The following CDK14 variants were observed in gnomAD, a reference collection of about 807,000 sequenced individuals.
The protein encoded by CDK14 is cyclin-dependent kinase 14.
CDK14 carries 34 observed loss-of-function variants against 60.7 expected under a neutral mutation model. The observed-to-expected ratio is 0.56, with a 90% CI of 0.43 to 0.75. CDK14 has a LOEUF of 0.75. Among genes scored for constraint, CDK14 ranks in the 30% least tolerant of loss-of-function variants. The pLI is 0.00. For synonymous variants in CDK14, 197 were observed against 203.7 expected, an observed-to-expected ratio of 0.97 and a Z score of 0.28; for missense variants, 482 against 564.1, an observed-to-expected ratio of 0.85 and a Z score of 1.47.
At chr7:90,992,232 T>C (rs1382264205) in intron 10 of CDK14, among the ~76,000 whole-genome samples, 2 of 152,228 alleles carry the variant, frequency 1.3e-5, no homozygotes, top group Admixed American at 1.3e-4. Flanking sequence ...AAGAAACTTC[T>C]ATTAAAAGAC....
intron 14 of CDK14, among the ~76,000 whole-genome samples, chr7:91,187,750 G>A (rs71558810): frequency 1.3e-5 from 2 of 152,188 alleles, no homozygotes; most frequent in Non-Finnish European, 2.9e-5. Context: ...CAGGCTTGAG[G>A]AGGCGGTGAC....
chr7:90,882,106 T>C (rs2117287348), intron 6 of CDK14, among the ~76,000 whole-genome samples: 1 of 152,180 alleles, frequency 6.6e-6, no homozygotes, highest in South Asian at 2.1e-4. Context: ...TAAATGTAAG[T>C]GGGCTAAATG....
At chr7:90,706,946 C>G (rs1284790334) in intron 2 of CDK14, among the ~76,000 whole-genome samples, 1 of 152,054 alleles carries the variant, frequency 6.6e-6, no homozygotes, top group Non-Finnish European at 1.5e-5. Flanking sequence ...TTGTCTGAGG[C>G]CACATTCTTC....
chr7:90,603,521 TA>T (rs1161303662), intron 1 of CDK14, among the ~76,000 whole-genome samples: 1 of 152,188 alleles, frequency 6.6e-6, no homozygotes, highest in Non-Finnish European at 1.5e-5. Flanking sequence ...TCTAGGTTTG[TA>T]TAAGTACACT....
intron 3 of CDK14, among the ~76,000 whole-genome samples, chr7:90,735,849 G>T (rs892334560): frequency 6.6e-6 from 1 of 152,186 alleles, no homozygotes; most frequent in Admixed American, 6.5e-5. Flanking sequence ...TGTCTCCCTG[G>T]CATTCCAGGT....
intron 11 of CDK14, among the ~76,000 whole-genome samples, chr7:91,074,756 CTAA>C (rs1211448832): frequency 1.3e-5 from 2 of 150,000 alleles, no homozygotes. Flanking sequence ...ACTAGATAGA[CTAA>C]TGAAAAGAGA....
chr7:90,995,859 G>A (rs1215357162), intron 10 of CDK14, among the ~76,000 whole-genome samples: 1 of 152,168 alleles, frequency 6.6e-6, no homozygotes, highest in African/African-American at 2.4e-5. Flanking sequence ...CAGGGGATGG[G>A]ACATCCCTCT....
chr7:90,975,292 A>G (rs1795035548), intron 9 of CDK14, among the ~76,000 whole-genome samples: 1 of 152,118 alleles, frequency 6.6e-6, no homozygotes, highest in South Asian at 2.1e-4. Flanking sequence ...TTCCTTTGCC[A>G]TAGAGTATAT....
intron 6 of CDK14, among the ~76,000 whole-genome samples, chr7:90,864,349 C>T (rs1043471211): frequency 1.3e-5 from 2 of 152,110 alleles, no homozygotes; most frequent in Admixed American, 1.3e-4. Context: ...ATTCACACAT[C>T]AATGCAAACA....
At chr7:91,016,811 A>T (rs1010682117) in intron 10 of CDK14, among the ~76,000 whole-genome samples, 1 of 152,202 alleles carries the variant, frequency 6.6e-6, no homozygotes, top group Non-Finnish European at 1.5e-5. Context: ...TCATAAGCCA[A>T]ACTTTCAAAC....
At chr7:90,738,253 C>T (rs1165107542) in intron 3 of CDK14, among the ~76,000 whole-genome samples, 1 of 152,136 alleles carries the variant, frequency 6.6e-6, no homozygotes, top group East Asian at 1.9e-4. Context: ...ATAAATTATT[C>T]ATGTTCAAAT....
chr7:91,056,309 A>G (rs1185776394), intron 11 of CDK14, among the ~76,000 whole-genome samples: 1 of 152,168 alleles, frequency 6.6e-6, no homozygotes, highest in African/African-American at 2.4e-5. Context: ...GGTAGGATGA[A>G]GATTTTCTCT....
chr7:90,863,659 C>T (rs936501258), intron 6 of CDK14, among the ~76,000 whole-genome samples: 4 of 110,572 alleles, frequency 3.6e-5, no homozygotes, highest in Non-Finnish European at 8.5e-5. Flanking sequence ...CAAAAGCATG[C>T]TTATTAAGAT....
chr7:90,619,138 C>G (rs187402700), intron 2 of CDK14, among the ~76,000 whole-genome samples: 15 of 152,236 alleles, frequency 9.9e-5, no homozygotes, highest in African/African-American at 3.6e-4. Context: ...GAGTGTGATG[C>G]GTGGATCCCA....
chr7:90,810,423 C>A (rs916092769), intron 5 of CDK14, among the ~76,000 whole-genome samples: 1 of 152,164 alleles, frequency 6.6e-6, no homozygotes, highest in Non-Finnish European at 1.5e-5. Context: ...ATTCAACAAC[C>A]CTTCATGCTA....
At chr7:90,818,431 A>G (rs2117068563) in intron 5 of CDK14, among the ~76,000 whole-genome samples, 1 of 152,288 alleles carries the variant, frequency 6.6e-6, no homozygotes, top group Admixed American at 6.5e-5. Flanking sequence ...CAACCACACA[A>G]ATTTGTTTTC....
At chr7:90,962,642 G>A (rs1383246783) in intron 9 of CDK14, among the ~76,000 whole-genome samples, 2 of 152,126 alleles carry the variant, frequency 1.3e-5, no homozygotes, top group Non-Finnish European at 2.9e-5. Flanking sequence ...TATGTAAAAT[G>A]AGGCATTGTT....
intron 4 of CDK14, among the ~76,000 whole-genome samples, chr7:90,769,527 C>T (rs950088781): frequency 3.3e-5 from 5 of 149,572 alleles, no homozygotes; most frequent in Non-Finnish European, 7.4e-5. Flanking sequence ...AATACATTGG[C>T]ACCATCTCAG....
At chr7:90,685,981 T>G (rs1475193876) in intron 2 of CDK14, among the ~76,000 whole-genome samples, 1 of 152,116 alleles carries the variant, frequency 6.6e-6, no homozygotes, top group African/African-American at 2.4e-5. Flanking sequence ...AAATTTTCTC[T>G]TTTAGTATTG....
Sources: gnomAD v4.1 joint callset for allele counts (sites outside exome capture counted in the v4.1 genomes callset) on GRCh38, gnomAD v4.1.1 for gene constraint, MANE v1.5 for transcripts, NCBI Gene and HGNC (gene_info 2026-07-23, HGNC 2026-07-21) for gene names.